RAE1: variants seen among roughly 807,000 people sequenced by gnomAD.
RAE1 encodes mRNA export factor RAE1.
In RAE1, 13 loss-of-function variants were observed where a neutral mutation model predicts 52.7. The ratio of observed to expected loss-of-function variants is 0.25; its 90% CI spans 0.16 to 0.39. The LOEUF (loss-of-function observed/expected upper bound fraction) is 0.39. RAE1 is among the 10% of genes least tolerant of loss of function. RAE1 has a pLI of 1.00. For missense variants in RAE1, 262 were observed against 459.8 expected, an observed-to-expected ratio of 0.57 and a Z score of 3.93; for synonymous variants, 164 against 153.1, an observed-to-expected ratio of 1.07 and a Z score of -0.52.
intron 11 of RAE1, among the ~76,000 whole-genome samples, chr20:57,375,618 C>G (rs1034161263): frequency 2.6e-5 from 4 of 152,158 alleles, no homozygotes; most frequent in Admixed American, 6.5e-5. Context: ...ATGGAAGGCT[C>G]GAGGAACCAT....
At chr20:57,374,484 C>A in intron 10 of RAE1, 123 bp from the exon 11 acceptor site, 1 of 892,092 alleles carries the variant, frequency 1.1e-6, no homozygotes, top group Non-Finnish European at 1.7e-6. Flanking sequence ...TATCAGCGGG[C>A]AGCAGCTGGA....
At chr20:57,374,548 G>A (rs147248651) in intron 10 of RAE1, 59 bp from the exon 11 acceptor site, 1 of 1,491,386 alleles carries the variant, frequency 6.7e-7, no homozygotes, top group Non-Finnish European at 9.2e-7. Flanking sequence ...GTGTGCGTGG[G>A]TGGAACCTTC....
chr20:57,375,666 G>C (rs1354734192), intron 11 of RAE1, among the ~76,000 whole-genome samples: 3 of 152,150 alleles, frequency 2.0e-5, no homozygotes, highest in African/African-American at 7.2e-5. Flanking sequence ...AGTGGTGTCA[G>C]CACCTACCCT....
At chr20:57,358,731 A>G in intron 4 of RAE1, 2 of 358,158 alleles carry the variant, frequency 5.6e-6, no homozygotes. Flanking sequence ...CTAGTATAGG[A>G]TTGCGCTGTT....
chr20:57,351,699 T>TA, intron 1 of RAE1: 1 of 985,504 alleles, frequency 1.0e-6, no homozygotes, highest in Non-Finnish European at 1.2e-6. Flanking sequence ...CCCTCCCCCT[T>TA]ACACGTCTGG....
rs768581097 is a variant in RAE1, at chr20:57,354,028, T to A, written c.-7-4T>A. 1 of 1,611,552 alleles carries A rather than the reference T, an allele frequency of 6.2e-7. No homozygotes were observed. Among genetic ancestry groups the A allele is most frequent in the Non-Finnish European group, 8.5e-7 (1 of 1,178,570 alleles). On this transcript the variant is annotated splice_polypyrimidine_tract_variant and splice_region_variant and intron_variant, in intron 1 of 11. Transcript: ENST00000395841. ...CATCCTTAACATTTTTCATTACTTT[T>A]TAGGTTCAAAATGAGCCTGTTTGGA...
intron 5 of RAE1, among the ~76,000 whole-genome samples, chr20:57,366,568 A>G (rs536527794): frequency 6.6e-6 from 1 of 152,274 alleles, no homozygotes; most frequent in Non-Finnish European, 1.5e-5. Context: ...CATGACCCAG[A>G]CATCTCCCAC....
At position 57,366,816 on chromosome 20, in the gene RAE1, C is replaced by T. The variant is rs147168854; in HGVS notation, c.385C>T (p.Pro129Ser). Residue 129 changes from proline to serine, a missense_variant, in exon 6 of 12, where the codon CCT becomes TCT. Coordinates refer to ENST00000395841, the MANE Select transcript of RAE1 (RefSeq NM_003610.4). Reference protein sequence around the residue: ...QAIQIAQHDAPVKTIHWIKAP... With the variant: ...QAIQIAQHDASVKTIHWIKAP... ...TTTGTCTTGTTGAAAGCATGATGCT[C>T]CTGTTAAAACCATCCATTGGATCAA... 3,017 of 1,612,164 alleles carry T rather than the reference C, an allele frequency of 1.9e-3. 11 individuals are homozygous for T. Among genetic ancestry groups the T allele is most frequent in the Non-Finnish European group, 2.4e-3 (2,776 of 1,178,202 alleles).
At chr20:57,369,234 G>T (rs1319080158) in intron 8 of RAE1, among the ~76,000 whole-genome samples, 2 of 152,252 alleles carry the variant, frequency 1.3e-5, no homozygotes, top group Non-Finnish European at 2.9e-5. Context: ...ACAGAAAGAA[G>T]GGGGCTCAGG....
rs779636510 is a variant in RAE1, at chr20:57,373,588, G to T, written c.749+7G>T. 1.2e-6 allele frequency: 2 copies of T among 1,613,522 alleles called. No homozygotes were observed. Among genetic ancestry groups the T allele is most frequent in the Non-Finnish European group, 1.7e-6 (2 of 1,179,558 alleles). ...ATATCAACCCCCCGAACCCGTAAGT[G>T]TGACTCTGTCAGCTTGCAGATTTCA... On this transcript the variant is annotated splice_region_variant and intron_variant, in intron 9 of 11. Coordinates refer to ENST00000395841, the MANE Select transcript of RAE1 (RefSeq NM_003610.4).
At chr20:57,370,675 C>T (rs1410936872) in intron 8 of RAE1, among the ~76,000 whole-genome samples, 1 of 152,236 alleles carries the variant, frequency 6.6e-6, no homozygotes, top group Non-Finnish European at 1.5e-5. Flanking sequence ...CAGGATTCTC[C>T]CTTGCTACTG....
At chr20:57,374,988 T>A in intron 11 of RAE1, 187 bp downstream of exon 11, 1 of 742,220 alleles carries the variant, frequency 1.3e-6, no homozygotes, top group South Asian at 1.5e-5. Context: ...CAGTACAGCC[T>A]TTGGCCAGAA....
chr20:57,370,812 T>TC (rs1447947983), intron 8 of RAE1, among the ~76,000 whole-genome samples: 2 of 152,238 alleles, frequency 1.3e-5, no homozygotes, highest in East Asian at 3.8e-4. Context: ...TGTTGCTGCC[T>TC]CCCAGCACTT....
intron 4 of RAE1, among the ~76,000 whole-genome samples, chr20:57,363,677 TAATA>T (rs559539859): frequency 4.6e-4 from 70 of 152,118 alleles, no homozygotes; most frequent in African/African-American, 1.6e-3. Context: ...TCTAAAAAAA[TAATA>T]AATAACAATA....
chr20:57,374,960 C>T (rs913343528), intron 11 of RAE1, 159 bp downstream of exon 11: 7 of 816,182 alleles, frequency 8.6e-6, no homozygotes, highest in Non-Finnish European at 1.4e-5. Context: ...AGGACTTCCT[C>T]AAATGGTTGT....
intron 4 of RAE1, chr20:57,357,615 A>G (rs1292129445): frequency 1.3e-5 from 2 of 152,208 alleles, no homozygotes; most frequent in African/African-American, 4.8e-5. Flanking sequence ...AATTTGTGGT[A>G]TAGAGTTCTG....
chr20:57,367,123 C>A, intron 7 of RAE1, 44 bp downstream of exon 7: 1 of 1,425,246 alleles, frequency 7.0e-7, no homozygotes, highest in South Asian at 1.3e-5. Flanking sequence ...AAAAAAAAAA[C>A]AAAATAAGTA....
intron 1 of RAE1, among the ~76,000 whole-genome samples, chr20:57,352,152 G>A (rs963756187): frequency 1.6e-5 from 2 of 124,912 alleles, no homozygotes; most frequent in African/African-American, 8.0e-5. Flanking sequence ...ACGTGTGACA[G>A]CTTTATTGAA....
Position 57,374,726 on chromosome 20 carries a change from T to A in RAE1, c.945T>A (p.Asp315Glu). Residue 315 changes from aspartate (D) to glutamate (E), a missense_variant, in exon 11 of 12, where the codon GAT becomes GAA. Physicochemically the swap from Asp to Glu is conservative, Grantham distance 45. Coordinates refer to ENST00000395841, the MANE Select transcript of RAE1 (RefSeq NM_003610.4). Reference sequence around the variant, plus strand: ...AACTAAAAACTTCGGAACAGTTAGATCAGCCCATCTCAGCTTGCTGTTTCA... The same window carrying A: ...AACTAAAAACTTCGGAACAGTTAGAACAGCCCATCTCAGCTTGCTGTTTCA... ...RTKLKTSEQLDQPISACCFNH... is the reference protein window; with the variant it reads ...RTKLKTSEQLEQPISACCFNH... 6.2e-7 allele frequency: 1 copy of A among 1,614,220 alleles called. No individual in the cohort carries two copies. Among genetic ancestry groups the A allele is most frequent in the African/African-American group, 1.3e-5 (1 of 75,054 alleles).
Sources: allele counts gnomAD v4.1 joint callset (sites outside exome capture counted in the v4.1 genomes callset), GRCh38; gene constraint gnomAD v4.1.1; transcripts MANE v1.5; gene names NCBI Gene and HGNC (gene_info 2026-07-23, HGNC 2026-07-21).